The following DYNC2I1 variants were observed in gnomAD, a reference collection of about 807,000 sequenced individuals.
DYNC2I1 encodes dynein 2 intermediate chain 1.
Under a neutral mutation model 133.4 loss-of-function variants are expected in DYNC2I1, and 89 were observed. The ratio of observed to expected loss-of-function variants is 0.67; its 90% CI spans 0.56 to 0.80. The LOEUF (loss-of-function observed/expected upper bound fraction) is 0.80, where lower values mean the gene tolerates loss of function less well. DYNC2I1 is among the 30% of genes least tolerant of loss of function. DYNC2I1 has a pLI of 0.00. For synonymous variants in DYNC2I1, 504 were observed against 484.3 expected, an observed-to-expected ratio of 1.04 and a Z score of -0.54; for missense variants, 1,291 against 1,314.5, an observed-to-expected ratio of 0.98 and a Z score of 0.28.
At chr7:158,883,524 T>A (rs939754414) in intron 5 of DYNC2I1, among the ~76,000 whole-genome samples, 4 of 151,974 alleles carry the variant, frequency 2.6e-5, no homozygotes, top group Non-Finnish European at 1.5e-5. Flanking sequence ...GGCCTCTATA[T>A]GATTTTTGAT....
At chr7:158,918,341 T>A (rs1035216707) in intron 14 of DYNC2I1, among the ~76,000 whole-genome samples, 4 of 152,224 alleles carry the variant, frequency 2.6e-5, no homozygotes, top group Non-Finnish European at 5.9e-5. Context: ...ATGACCCTCC[T>A]GGAACAATGA....
chr7:158,943,730 C>T (rs972632694), intron 24 of DYNC2I1, among the ~76,000 whole-genome samples: 7 of 152,168 alleles, frequency 4.6e-5, no homozygotes, highest in East Asian at 1.9e-4. Flanking sequence ...ACGCACCCTT[C>T]GGTTCTGGAG....
chr7:158,887,030 G>C lies in DYNC2I1; in HGVS notation c.945G>C (p.Glu315Asp). Reference sequence around the variant, plus strand: ...TATGTTTGCTTTCCAGGCATGCTGAGAATTTAGTAAGGAATCATGGAAAAG... The same window carrying C: ...TATGTTTGCTTTCCAGGCATGCTGACAATTTAGTAAGGAATCATGGAAAAG... ...KRDGTSSQHAENLVRNHGKDK... is the reference protein window; with the variant it reads ...KRDGTSSQHADNLVRNHGKDK... The change falls in exon 7 of 25, where the codon GAG (glutamate) becomes GAC (aspartate). Residue 315 changes from glutamate (E) to aspartate (D), a missense_variant. By Grantham distance (45) the Glu-to-Asp change is conservative. Coordinates refer to ENST00000407559, the MANE Select transcript of DYNC2I1 (RefSeq NM_018051.5). 6.2e-6 allele frequency: 10 copies of C among 1,613,958 alleles called. No individual in the cohort carries two copies. The highest frequency in any genetic ancestry group is 8.5e-6 in the Non-Finnish European group (10 of 1,179,856).
At chr7:158,857,164 G>T (rs964057037) in intron 1 of DYNC2I1, among the ~76,000 whole-genome samples, 16 of 152,220 alleles carry the variant, frequency 1.1e-4, no homozygotes, top group Admixed American at 9.8e-4. Flanking sequence ...AGAGAGTGCA[G>T]CCTGGGTGCT....
At chr7:158,882,639 G>A (rs924568772) in intron 5 of DYNC2I1, among the ~76,000 whole-genome samples, 8 of 152,126 alleles carry the variant, frequency 5.3e-5, no homozygotes, top group African/African-American at 1.4e-4. Context: ...TTGGGAGGCC[G>A]AGACAGGTGG....
chr7:158,845,761 AAATT>A, the DYNC2I1 span, among the ~76,000 whole-genome samples: 1 of 152,220 alleles, frequency 6.6e-6, no homozygotes, highest in East Asian at 1.9e-4. Context: ...ACTATTAAAT[AAATT>A]AATCAGGTAA....
intron 23 of DYNC2I1, among the ~76,000 whole-genome samples, chr7:158,935,856 G>A (rs954437727): frequency 1.3e-5 from 2 of 151,790 alleles, no homozygotes; most frequent in African/African-American, 4.8e-5. Context: ...ACCTGAGGTC[G>A]GGAGTTCAAG....
At chr7:158,864,123 G>A (rs76778395) in intron 1 of DYNC2I1, among the ~76,000 whole-genome samples, 4 of 150,810 alleles carry the variant, frequency 2.7e-5, no homozygotes, top group African/African-American at 9.7e-5. Flanking sequence ...CCGGGTGTGG[G>A]GGGGGGAGCA....
intron 7 of DYNC2I1, among the ~76,000 whole-genome samples, chr7:158,889,070 T>C (rs924086762): frequency 1.4e-5 from 2 of 138,392 alleles, no homozygotes; most frequent in Admixed American, 7.4e-5. Context: ...CACACACCCC[T>C]CCTGTTTTTC....
intron 11 of DYNC2I1, 21 bp from the exon 12 acceptor site, chr7:158,911,529 T>C: frequency 6.2e-7 from 1 of 1,608,402 alleles, no homozygotes. Context: ...ATTTTTGTCT[T>C]GTTTCCAATT....
At chr7:158,927,075 GT>G (rs1443908005) in intron 20 of DYNC2I1, 32 bp downstream of exon 20, 1 of 1,483,464 alleles carries the variant, frequency 6.7e-7, no homozygotes, top group South Asian at 1.2e-5. Context: ...TAATTTTAGT[GT>G]TTTCTAAAAT....
chr7:158,917,368 T>C (rs559327057), intron 14 of DYNC2I1, among the ~76,000 whole-genome samples: 261 of 106,510 alleles, frequency 2.5e-3, no homozygotes, highest in African/African-American at 5.2e-3. Flanking sequence ...ACTAAACACC[T>C]CCTGTCCTCC....
At position 158,866,413 on chromosome 7, in the gene DYNC2I1, C is replaced by T. The variant is rs1417939592; in HGVS notation, c.16-3442C>T. On this transcript the variant is annotated intron_variant, in intron 1 of 24. Coordinates refer to ENST00000407559, the MANE Select transcript of DYNC2I1 (RefSeq NM_018051.5). ...GTGGTGCCCACGTTTCCTGGTTGGA[C>T]TGCCCCTTGGTGTCCTGGGCGTCCC... 2.0e-5 allele frequency among the ~76,000 whole-genome samples: 3 copies of T among 151,870 alleles called. No individual in the cohort carries two copies. In the East Asian group the frequency reaches 5.8e-4, roughly 30 times the overall value.
At chr7:158,887,098 T>C in intron 7 of DYNC2I1, 23 bp downstream of exon 7, 1 of 1,608,248 alleles carries the variant, frequency 6.2e-7, no homozygotes, top group Non-Finnish European at 8.5e-7. Flanking sequence ...CCACTGAGAA[T>C]ACATTGATTT....
intron 24 of DYNC2I1, among the ~76,000 whole-genome samples, chr7:158,942,805 G>A (rs1851504283): frequency 6.6e-6 from 1 of 152,230 alleles, no homozygotes; most frequent in Admixed American, 6.5e-5. Context: ...CAGCTCACAG[G>A]CAGACCAGTA....
At chr7:158,882,507 G>A (rs934867162) in intron 5 of DYNC2I1, among the ~76,000 whole-genome samples, 3 of 151,990 alleles carry the variant, frequency 2.0e-5, no homozygotes, top group Admixed American at 6.6e-5. Flanking sequence ...CACTTGAGCC[G>A]AGGAGGTCAA....
rs1851848308 is a variant in DYNC2I1, at chr7:158,945,986, C to G, written c.*207C>G. On this transcript the variant is annotated 3_prime_UTR_variant, in exon 25 of 25. Coordinates refer to ENST00000407559, the MANE Select transcript of DYNC2I1 (RefSeq NM_018051.5). The surrounding 1 kb of genome is among the most constrained non-coding windows in gnomAD (Gnocchi z 4.1). ...GAAACAAAGAACATTCTAGCATTTACAAAACTTCCAGGGGAATGTAGAGCC... is the reference window on the plus strand; with the variant it reads ...GAAACAAAGAACATTCTAGCATTTAGAAAACTTCCAGGGGAATGTAGAGCC... The G allele has an allele frequency of 2.0e-6, 1 of 496,804 alleles. No individual in the cohort carries two copies. The allele number at this position is 496,804 out of a possible 1,614,324, so 30.8% of individuals were successfully genotyped here. A position where few individuals can be genotyped will look rare whatever the true frequency, so the allele number is the denominator to read the frequency against.
chr7:158,929,529 G>A (rs1273441028), intron 20 of DYNC2I1, among the ~76,000 whole-genome samples: 3 of 152,206 alleles, frequency 2.0e-5, no homozygotes, highest in Non-Finnish European at 2.9e-5. Flanking sequence ...AGGCGGTGGC[G>A]TGGGAGCCGA....
At chr7:158,855,510 CTA>C (rs1298868353), upstream of DYNC2I1, among the ~76,000 whole-genome samples, 2 of 152,176 alleles carry the variant, frequency 1.3e-5, no homozygotes, top group African/African-American at 4.8e-5. Context: ...AATCTTGTGG[CTA>C]ACATCAGTCC....
Sources: allele counts gnomAD v4.1 joint callset (sites outside exome capture counted in the v4.1 genomes callset), GRCh38; gene constraint gnomAD v4.1.1; non-coding constraint Gnocchi (gnomAD v3.1); transcripts MANE v1.5; gene names NCBI Gene and HGNC (gene_info 2026-07-23, HGNC 2026-07-21).